TAFA2: variants seen among roughly 807,000 people sequenced by gnomAD.
The protein encoded by TAFA2 is chemokine-like protein TAFA-2.
Under a neutral mutation model 18.8 loss-of-function variants are expected in TAFA2, and 7 were observed. That is an observed-to-expected ratio of 0.37 (90% CI 0.21 to 0.70). The LOEUF is 0.70. Among genes scored for constraint, TAFA2 ranks in the 30% least tolerant of loss-of-function variants. The pLI, the probability that TAFA2 is intolerant of heterozygous loss-of-function variation, is 0.53. For missense variants in TAFA2, 122 were observed against 158.1 expected (o/e 0.77, Z 1.23); for synonymous variants, 60 against 54.2 (o/e 1.11, Z -0.47).
intron 2 of TAFA2, among the ~76,000 whole-genome samples, chr12:61,783,530 T>C (rs1238892084): frequency 6.6e-6 from 1 of 151,632 alleles, no homozygotes; most frequent in Non-Finnish European, 1.5e-5. Context: ...TAAGTGTTTA[T>C]GGAATTGAAA....
rs1005341649 is a variant in TAFA2, at chr12:61,708,896, A to T, written c.*1510T>A. ...CTGGAAACCAACGTATGTCTAACTG[A>T]CCACGTCAGTGAGTTTTTAGAATAC... On this transcript the variant is annotated 3_prime_UTR_variant, in exon 5 of 5. Transcript: ENST00000416284. 3.3e-5 allele frequency: 5 copies of T among 152,160 alleles called. No individual in the cohort carries two copies. Among genetic ancestry groups the T allele is most frequent in the African/African-American group, 1.2e-4 (5 of 41,446 alleles). 9.4% of individuals were successfully genotyped at this position (152,160 alleles called of 1,614,324 possible).
At chr12:61,985,977 GC>G (rs1258927798) in intron 1 of TAFA2, among the ~76,000 whole-genome samples, 1 of 151,992 alleles carries the variant, frequency 6.6e-6, no homozygotes, top group East Asian at 1.9e-4. Flanking sequence ...AGCTACCTCA[GC>G]CCACAACCAT....
chr12:61,805,157 A>C (rs2120984762), intron 2 of TAFA2, among the ~76,000 whole-genome samples: 2 of 152,094 alleles, frequency 1.3e-5, no homozygotes, highest in South Asian at 4.1e-4. Flanking sequence ...CATATATTAT[A>C]ATCAAATTTT....
chr12:61,942,377 A>G (rs1375933973), intron 1 of TAFA2, among the ~76,000 whole-genome samples: 16 of 151,274 alleles, frequency 1.1e-4, no homozygotes, highest in African/African-American at 3.6e-4. Context: ...AAAACTGGAA[A>G]CTCTAAAACG....
At chr12:62,041,233 A>G (rs1048635930) in intron 1 of TAFA2, among the ~76,000 whole-genome samples, 1 of 152,196 alleles carries the variant, frequency 6.6e-6, no homozygotes. Context: ...TCCACCTTTC[A>G]TCGGTCAGAA....
intron 2 of TAFA2, among the ~76,000 whole-genome samples, chr12:61,770,516 C>G (rs1869980631): frequency 6.6e-6 from 1 of 151,938 alleles, no homozygotes; most frequent in South Asian, 2.1e-4. Context: ...AAAGCAAAAC[C>G]AATCAGATTA....
At chr12:62,071,339 T>C (rs1565734979) in intron 1 of TAFA2, among the ~76,000 whole-genome samples, 1 of 152,092 alleles carries the variant, frequency 6.6e-6, no homozygotes, top group Non-Finnish European at 1.5e-5. Flanking sequence ...GATCACAAAA[T>C]AAGCTCAAAG....
At chr12:61,885,702 A>G (rs73308295) in intron 1 of TAFA2, among the ~76,000 whole-genome samples, 1,584 of 152,320 alleles carry the variant, frequency 0.01, 29 homozygotes, top group African/African-American at 0.037. Context: ...GGAAAACTAC[A>G]TAATTGTCCC....
intron 3 of TAFA2, among the ~76,000 whole-genome samples, chr12:61,754,497 G>A (rs918751002): frequency 6.6e-6 from 1 of 150,906 alleles, no homozygotes; most frequent in Non-Finnish European, 1.5e-5. Context: ...TAATTCTTAA[G>A]AATATCCATG....
intron 4 of TAFA2, among the ~76,000 whole-genome samples, chr12:61,752,043 G>A (rs760734188): frequency 6.6e-6 from 1 of 151,990 alleles, no homozygotes; most frequent in Non-Finnish European, 1.5e-5. Context: ...AAAAGATTGG[G>A]TTTTGGAATG....
intron 1 of TAFA2, among the ~76,000 whole-genome samples, chr12:62,186,647 C>T (rs77999070): frequency 0.041 from 6,202 of 152,148 alleles, 185 homozygotes; most frequent in Non-Finnish European, 0.062. Context: ...GCTAACTAGC[C>T]ATTCAGGGGA....
intron 4 of TAFA2, among the ~76,000 whole-genome samples, chr12:61,724,530 C>T (rs1246117837): frequency 2.6e-5 from 4 of 151,906 alleles, no homozygotes; most frequent in Admixed American, 6.6e-5. Context: ...TTTTATACCT[C>T]ACCCCTCACC....
At chr12:61,761,040 G>A (rs1869523793) in intron 2 of TAFA2, among the ~76,000 whole-genome samples, 1 of 151,938 alleles carries the variant, frequency 6.6e-6, no homozygotes, top group African/African-American at 2.4e-5. Flanking sequence ...TGCCTTCCAA[G>A]GTTATGGCCC....
At chr12:61,998,608 A>C (rs1186801754) in intron 1 of TAFA2, among the ~76,000 whole-genome samples, 5 of 152,216 alleles carry the variant, frequency 3.3e-5, no homozygotes. Flanking sequence ...CTGAAGCTCC[A>C]AGGAGTTAAA....
chr12:61,813,250 G>A (rs1399180490), intron 2 of TAFA2, among the ~76,000 whole-genome samples: 1 of 151,202 alleles, frequency 6.6e-6, no homozygotes, highest in African/African-American at 2.5e-5. Flanking sequence ...TGGATTATCA[G>A]TAGTAAGTTG....
intron 1 of TAFA2, among the ~76,000 whole-genome samples, chr12:61,884,215 G>A (rs760208725): frequency 1.1e-4 from 17 of 152,124 alleles, no homozygotes; most frequent in East Asian, 1.9e-4. Flanking sequence ...AAACGATGGC[G>A]CTGACCCAGA....
At chr12:61,934,527 A>G (rs1482664437) in intron 1 of TAFA2, among the ~76,000 whole-genome samples, 1 of 152,234 alleles carries the variant, frequency 6.6e-6, no homozygotes. Flanking sequence ...GTAATTCTTT[A>G]TTATGCTAAA....
At chr12:61,911,335 G>T (rs1346505178) in intron 1 of TAFA2, among the ~76,000 whole-genome samples, 2 of 152,014 alleles carry the variant, frequency 1.3e-5, no homozygotes, top group Non-Finnish European at 2.9e-5. Flanking sequence ...ATTGGGATTG[G>T]CCCAATCCTT....
At chr12:61,936,493 A>G (rs1877773248) in intron 1 of TAFA2, among the ~76,000 whole-genome samples, 1 of 152,130 alleles carries the variant, frequency 6.6e-6, no homozygotes, top group Non-Finnish European at 1.5e-5. Flanking sequence ...ACTTGAACCC[A>G]GGAGATGAAG....
Sources: allele counts gnomAD v4.1 joint callset (sites outside exome capture counted in the v4.1 genomes callset), GRCh38; gene constraint gnomAD v4.1.1; transcripts MANE v1.5; gene names NCBI Gene and HGNC (gene_info 2026-07-23, HGNC 2026-07-21).